TTC7A: variants seen among roughly 807,000 people sequenced by gnomAD.
TTC7A encodes the protein tetratricopeptide repeat domain 7A.
In TTC7A, 110 loss-of-function variants were observed where a neutral mutation model predicts 103.7. The observed-to-expected ratio is 1.06, with a 90% CI of 0.91 to 1.24. The LOEUF (loss-of-function observed/expected upper bound fraction) is 1.24, where lower values mean the gene tolerates loss of function less well. TTC7A is among the 50% of genes most tolerant of loss of function. The probability of loss-of-function intolerance (pLI) is 0.00; values close to 1 mark genes in which losing one functional copy is unlikely to be tolerated. For missense variants in TTC7A, 1,340 were observed against 1,116.3 expected (o/e 1.20, Z -2.86); for synonymous variants, 521 against 467.9 (o/e 1.11, Z -1.47).
At chr2:47,024,234 C>G (rs966586054) in intron 13 of TTC7A, 53 bp from the exon 14 acceptor site, 2 of 1,491,076 alleles carry the variant, frequency 1.3e-6, no homozygotes, top group African/African-American at 2.8e-5. Flanking sequence ...CCGAGTCACA[C>G]GTTGGTCACT....
Position 47,029,242 on chromosome 2 carries a change from C to T in TTC7A, c.1660C>T (p.Gln554Ter), listed in dbSNP as rs1321113740. ...LVRQISSAME[Q>*]LQEALKVRKD... Reference sequence around the variant, plus strand: ...TCAACAGATCTCCAGTGCCATGGAGCAGCTGCAGGAGGCCCTGAAGGTACG... The same window carrying T: ...TCAACAGATCTCCAGTGCCATGGAGTAGCTGCAGGAGGCCCTGAAGGTACG... Residue 554 changes from glutamine to a stop codon, truncating the protein, a stop_gained, in exon 15 of 20, where the codon CAG becomes TAG. Coordinates refer to ENST00000319190, the MANE Select transcript of TTC7A (RefSeq NM_020458.4). LOFTEE classifies it high-confidence loss of function. 1.2e-6 allele frequency: 2 copies of T among 1,613,884 alleles called. No homozygotes were observed. Among genetic ancestry groups the T allele is most frequent in the Admixed American group, 3.3e-5 (2 of 60,024 alleles).
chr2:46,920,412 C>G (rs1007919807), intron 2 of TTC7A, among the ~76,000 whole-genome samples: 2 of 152,118 alleles, frequency 1.3e-5, no homozygotes, highest in Middle Eastern at 3.2e-3. Context: ...TCACTGCAAT[C>G]TTTGCCTCCT....
chr2:46,937,913 A>G (rs1670061288), upstream of TTC7A, among the ~76,000 whole-genome samples: 1 of 152,202 alleles, frequency 6.6e-6, no homozygotes, highest in Non-Finnish European at 1.5e-5. The surrounding 1 kb of genome is among the most constrained non-coding windows in gnomAD (Gnocchi z 4.0). Flanking sequence ...TGGACTGAAG[A>G]AAACTACTGT....
intron 11 of TTC7A, among the ~76,000 whole-genome samples, chr2:47,012,138 G>A (rs13413407): frequency 0.058 from 8,847 of 152,280 alleles, 860 homozygotes; most frequent in African/African-American, 0.2. Flanking sequence ...CCTGCCCTGG[G>A]CCTACTCGGA....
intron 8 of TTC7A, among the ~76,000 whole-genome samples, chr2:47,003,598 G>A (rs957830546): frequency 2.0e-5 from 3 of 152,200 alleles, no homozygotes; most frequent in Non-Finnish European, 4.4e-5. Context: ...GCACAGACAG[G>A]CAGGAGGGTC....
At chr2:47,018,842 C>T (rs759120631) in intron 11 of TTC7A, among the ~76,000 whole-genome samples, 1 of 152,064 alleles carries the variant, frequency 6.6e-6, no homozygotes, top group African/African-American at 2.4e-5. Flanking sequence ...GAGAAGGAAG[C>T]ACAACAAAAC....
chr2:47,072,412 G>T (rs998890841), intron 19 of TTC7A, among the ~76,000 whole-genome samples: 1 of 152,166 alleles, frequency 6.6e-6, no homozygotes. Context: ...CCTTTCCTAG[G>T]GCTTCCTGAG....
chr2:46,964,092 G>A (rs1179713474), intron 3 of TTC7A, among the ~76,000 whole-genome samples: 1 of 152,354 alleles, frequency 6.6e-6, no homozygotes, highest in South Asian at 2.1e-4. Context: ...GGGTCAGGCT[G>A]TGGACATCGC....
chr2:46,987,873 C>G (rs1391362976), intron 5 of TTC7A, among the ~76,000 whole-genome samples: 1 of 151,140 alleles, frequency 6.6e-6, no homozygotes, highest in East Asian at 2.0e-4. Context: ...AGCTGGATGC[C>G]GAGTTGGAGA....
intron 18 of TTC7A, among the ~76,000 whole-genome samples, chr2:47,055,589 C>A (rs1683246775): frequency 6.6e-6 from 1 of 152,148 alleles, no homozygotes; most frequent in Non-Finnish European, 1.5e-5. Context: ...CCCCATGATC[C>A]CAGGTCACGG....
intron 5 of TTC7A, among the ~76,000 whole-genome samples, chr2:46,992,259 G>C (rs56186415): frequency 3.3e-5 from 5 of 152,120 alleles, no homozygotes; most frequent in African/African-American, 9.7e-5. Context: ...ACACGGGAGC[G>C]ATGCGCCTGG....
chr2:47,003,382 T>A (rs13413587), intron 8 of TTC7A, among the ~76,000 whole-genome samples: 1 of 151,904 alleles, frequency 6.6e-6, no homozygotes, highest in Non-Finnish European at 1.5e-5. Context: ...TGAATGGGGT[T>A]GTGAGGAGGT....
At chr2:47,053,870 G>A (rs1573043762) in intron 18 of TTC7A, among the ~76,000 whole-genome samples, 2 of 152,276 alleles carry the variant, frequency 1.3e-5, no homozygotes, top group African/African-American at 4.8e-5. Context: ...CACTGCGCCC[G>A]GCCTGATTTG....
intron 18 of TTC7A, among the ~76,000 whole-genome samples, chr2:47,060,465 CA>C (rs796508216): frequency 4.2e-4 from 64 of 151,674 alleles, no homozygotes; most frequent in African/African-American, 1.3e-3. Context: ...TACCCTGTCT[CA>C]AAAAAAACAA....
Position 46,971,115 on chromosome 2 carries a change from C to G in TTC7A, c.518-3858C>G, listed in dbSNP as rs75310463. On this transcript the variant is annotated intron_variant, in intron 3 of 19. Transcript: ENST00000319190. ...CAGCCAGCAAATGCTTGTCCAGTAC[C>G]TACTGTGTGCCAGGTGGTAGAAAAG... 5.9e-3 allele frequency among the ~76,000 whole-genome samples: 900 copies of G among 152,376 alleles called. 7 individuals carry two copies. Among genetic ancestry groups the G allele is most frequent in the African/African-American group, 0.021 (857 of 41,586 alleles).
intron 3 of TTC7A, among the ~76,000 whole-genome samples, chr2:46,970,335 A>T (rs551926222): frequency 2.8e-4 from 43 of 152,210 alleles, no homozygotes; most frequent in Non-Finnish European, 5.3e-4. Context: ...TTGGAGAAGC[A>T]TGATGGGGAG....
In TTC7A at chr2:46,978,904, A is replaced by T. The variant is rs1558531892; in HGVS notation, c.761A>T (p.Lys254Met). 6.2e-7 allele frequency: 1 copy of T among 1,611,878 alleles called. No individual in the cohort carries two copies. The highest frequency in any genetic ancestry group is 8.5e-7 in the Non-Finnish European group (1 of 1,178,036). The change falls in exon 5 of 20, where the codon AAG (lysine) becomes ATG (methionine). Residue 254 changes from lysine (K) to methionine (M), a missense_variant. Physicochemically the swap from Lys to Met is moderately conservative, Grantham distance 95 (BLOSUM62 -1). Transcript: ENST00000319190. Reference protein sequence around the residue: ...LQSAYVKNLKKGNIVKGMREL... With the variant: ...LQSAYVKNLKMGNIVKGMREL... The stretch of plus-strand genomic sequence containing the variant: ...AGCGCCTATGTGAAAAACCTGAAGA[A>T]GGGGTAGGTCACTGGTAGTTGAGTG...
intron 2 of TTC7A, among the ~76,000 whole-genome samples, chr2:46,929,344 G>A (rs1434204345): frequency 6.6e-6 from 1 of 151,994 alleles, no homozygotes; most frequent in Non-Finnish European, 1.5e-5. Context: ...AAAACTACCT[G>A]GCTGTGGTGG....
chr2:46,990,393 T>C (rs896895295), intron 5 of TTC7A, among the ~76,000 whole-genome samples: 1 of 152,174 alleles, frequency 6.6e-6, no homozygotes, highest in African/African-American at 2.4e-5. Flanking sequence ...GCCTGGCTTA[T>C]CTACCAGGAA....
Sources: allele counts gnomAD v4.1 joint callset (sites outside exome capture counted in the v4.1 genomes callset), GRCh38; gene constraint gnomAD v4.1.1; non-coding constraint Gnocchi (gnomAD v3.1); transcripts MANE v1.5; gene names NCBI Gene and HGNC (gene_info 2026-07-23, HGNC 2026-07-21).